Variants in SF1 observed in about 807,000 individuals in gnomAD.
SF1 encodes branch point-binding protein.
SF1 carries 7 observed loss-of-function variants against 62.5 expected under a neutral mutation model. The observed-to-expected ratio is 0.11, with a 90% confidence interval of 0.06 to 0.21. SF1 has a LOEUF of 0.21. SF1 is among the 10% of genes least tolerant of loss of function. The pLI is 1.00. For missense variants in SF1, 578 were observed against 884.0 expected, an observed-to-expected ratio of 0.65 and a Z score of 4.39; for synonymous variants, 394 against 323.6, an observed-to-expected ratio of 1.22 and a Z score of -2.33.
intron 2 of SF1, among the ~76,000 whole-genome samples, chr11:64,775,225 C>A (rs1218633514): frequency 1.3e-5 from 2 of 152,176 alleles, no homozygotes; most frequent in Non-Finnish European, 1.5e-5. Flanking sequence ...AACTACACCT[C>A]TCCTTTGATT....
At chr11:64,777,198 ACT>A (rs932570749) in intron 1 of SF1, among the ~76,000 whole-genome samples, 3 of 152,204 alleles carry the variant, frequency 2.0e-5, no homozygotes, top group African/African-American at 7.2e-5. Flanking sequence ...CCAGTTGGAC[ACT>A]GAGGGTCTGA....
Position 64,767,931 on chromosome 11 carries a change from A to C in SF1, c.1069-87T>G. On this transcript the variant is annotated intron_variant, in intron 9 of 12. Coordinates refer to ENST00000377390, the MANE Select transcript of SF1 (RefSeq NM_004630.4). ...TCGGGTTATGACACAGGACCAGAACACAAGAACAAGGTCTTCCCGAAGTGA... is the reference window on the plus strand; with the variant it reads ...TCGGGTTATGACACAGGACCAGAACCCAAGAACAAGGTCTTCCCGAAGTGA... The C allele has an allele frequency of 5.9e-6, 9 of 1,532,094 alleles. 1 individual carries two copies. The highest frequency in any genetic ancestry group is 7.9e-6 in the Non-Finnish European group (9 of 1,139,160). 94.9% of individuals were successfully genotyped at this position (1,532,094 alleles called of 1,614,324 possible).
chr11:64,765,777 A>T lies in SF1; in HGVS notation c.*41T>A. The T allele has an allele frequency of 8.0e-6, 12 of 1,497,542 alleles. No individual in the cohort carries two copies. The highest frequency in any genetic ancestry group is 1.1e-5 in the Non-Finnish European group (12 of 1,125,378). 92.8% of individuals were successfully genotyped at this position (1,497,542 alleles called of 1,614,324 possible). A position where few individuals can be genotyped will look rare whatever the true frequency, so the allele number is the denominator to read the frequency against. On this transcript the variant is annotated 3_prime_UTR_variant, in exon 13 of 13. Coordinates refer to ENST00000377390, the MANE Select transcript of SF1 (RefSeq NM_004630.4). ...GGTTCGGCGTGTTTAAACGAGACCA[A>T]TTCTCTCTATATATAATATATATTT... is the stretch of plus-strand genomic sequence containing the variant.
At position 64,769,949 on chromosome 11, in the gene SF1, C is replaced by A; in HGVS notation, c.479+15G>T. 4 of 1,587,144 alleles carry A rather than the reference C, an allele frequency of 2.5e-6. No homozygotes were observed. Among genetic ancestry groups the A allele is most frequent in the Non-Finnish European group, 3.5e-6 (4 of 1,155,696 alleles). Reference sequence around the variant, plus strand: ...CTAAAGGAATTCTATATCCTATAGACCAGCAGTTACTCACCTGGGCCCGAT... The same window carrying A: ...CTAAAGGAATTCTATATCCTATAGAACAGCAGTTACTCACCTGGGCCCGAT... On this transcript the variant is annotated intron_variant, in intron 5 of 12. Transcript: ENST00000377390.
intron 12 of SF1, 36 bp downstream of exon 12, chr11:64,766,864 C>CCA: frequency 3.6e-6 from 2 of 559,190 alleles, no homozygotes; most frequent in Non-Finnish European, 5.9e-6. Context: ...CACCCCCATC[C>CCA]CACCCACCCC....
chr11:64,766,875 C>G (rs372572987), intron 12 of SF1, 25 bp downstream of exon 12: 1 of 1,377,300 alleles, frequency 7.3e-7, no homozygotes. Context: ...CACCCACCCC[C>G]ACAAGCCCAA....
intron 12 of SF1, chr11:64,766,621 C>CA (rs1427037579): frequency 1.2e-5 from 5 of 427,840 alleles, no homozygotes; most frequent in Non-Finnish European, 2.1e-5. Context: ...GCCGCTCACT[C>CA]AGCCTGCGAG....
rs1592474881 is a variant in SF1 at position 64,769,474 on chromosome 11, G to A, written c.615C>T (p.Ala205=). The stretch of plus-strand genomic sequence containing the variant: ...TCTCCATTGTATTGGCAGTAACCAG[G>A]GCATGAAGTGGCTCATCTTCTCCTG... The part of the protein sequence containing the change: ...MLPGEDEPLH[A]LVTANTMENV... Residue 205 remains alanine (A), a synonymous_variant, in exon 6 of 13, where the codon GCC becomes GCT. Coordinates refer to ENST00000377390, the MANE Select transcript of SF1 (RefSeq NM_004630.4). 6.2e-7 allele frequency: 1 copy of A among 1,614,128 alleles called. No homozygotes were observed. Among genetic ancestry groups the A allele is most frequent in the African/African-American group, 1.3e-5 (1 of 75,010 alleles).
rs763007547 is a variant in SF1, at chr11:64,766,952, G to A, written c.1530C>T (p.Pro510=). The stretch of plus-strand genomic sequence containing the variant: ...AAGCCATACTGCTGCTGGGCGGAGG[G>A]GGTGGCGGAGGCTGCTGCTGCTGTT... The part of the protein sequence containing the change: ...WQQQQQQPPP[P]PPPSSSMASS... Residue 510 remains proline (P), a synonymous_variant, in exon 12 of 13, where the codon CCC becomes CCT. Coordinates refer to ENST00000377390, the MANE Select transcript of SF1 (RefSeq NM_004630.4). 2.0e-6 allele frequency: 3 copies of A among 1,500,780 alleles called. No homozygotes were observed. The highest frequency in any genetic ancestry group is 2.3e-5 in the Admixed American group (1 of 43,512). 93.0% of individuals were successfully genotyped at this position (1,500,780 alleles called of 1,614,324 possible). A position where few individuals can be genotyped will look rare whatever the true frequency, so the allele number is the denominator to read the frequency against.
chr11:64,777,870 C>A lies in SF1; in HGVS notation c.31+492G>T, dbSNP rs947565463. On this transcript the variant is annotated intron_variant, in intron 1 of 12. Transcript: ENST00000377390. ...CCCAGGGGCGCCTCCGCCCGGGCCT[C>A]CCCGTGCGCGCACGCGCGCCCCTGC... 15 of 937,172 alleles carry A rather than the reference C, an allele frequency of 1.6e-5. No individual in the cohort carries two copies. In the Admixed American group the frequency reaches 9.5e-4, roughly 60 times the overall value. 58.1% of individuals were successfully genotyped at this position (937,172 alleles called of 1,614,324 possible). A position where few individuals can be genotyped will look rare whatever the true frequency, so the allele number is the denominator to read the frequency against.
At position 64,774,108 on chromosome 11, in the gene SF1, T is replaced by TAG. The variant is rs553855562; in HGVS notation, c.161-605_161-604dup. ...TCTTTCTGTACAACCAGACCTGTAC[T>TAG]AGTAAGGGTCTCCCAATACCTGCAG... On this transcript the variant is annotated intron_variant, in intron 2 of 12. Coordinates refer to ENST00000377390, the MANE Select transcript of SF1 (RefSeq NM_004630.4). Among the ~76,000 whole-genome samples the TAG allele has an allele frequency of 1.7e-3, 259 of 152,382 alleles. 3 individuals are homozygous for TAG. Among genetic ancestry groups the TAG allele is most frequent in the South Asian group, 8.7e-3 (42 of 4,830 alleles).
intron 2 of SF1, 128 bp downstream of exon 2, chr11:64,776,370 C>T (rs374271909): frequency 5.2e-5 from 53 of 1,025,720 alleles, no homozygotes; most frequent in Non-Finnish European, 7.5e-5. Context: ...ACAGATGATA[C>T]CAAAGTCGTG....
Position 64,768,178 on chromosome 11 carries a change from G to C in SF1, c.996C>G (p.Thr332=). 6.2e-7 allele frequency: 1 copy of C among 1,614,040 alleles called. No individual in the cohort carries two copies. The highest frequency in any genetic ancestry group is 2.2e-5 in the East Asian group (1 of 44,876). The change falls in exon 9 of 13, where the codon ACC becomes ACG. Residue 332 remains threonine, a synonymous_variant. Coordinates refer to ENST00000377390, the MANE Select transcript of SF1 (RefSeq NM_004630.4). ...CCAGGGGTGTGGTGGCAGGCCCAGA[G>C]GTGGAGCCCACAGATGCTGGGACAG... The part of the protein sequence containing the change: ...EAPVPASVGS[T]SGPATTPLAS...
At chr11:64,777,985 ACCT>A (rs947595031) in intron 1 of SF1, 13 of 994,194 alleles carry the variant, frequency 1.3e-5, no homozygotes, top group African/African-American at 1.8e-5. Context: ...GGCCCGACTC[ACCT>A]CCTCCGCCGC....
intron 3 of SF1, 87 bp from the exon 4 acceptor site, chr11:64,770,495 G>A: frequency 6.9e-7 from 1 of 1,439,372 alleles, no homozygotes; most frequent in African/African-American, 1.4e-5. Context: ...CAGCCCCTCT[G>A]CCTCTCAGAC....
intron 2 of SF1, among the ~76,000 whole-genome samples, chr11:64,775,620 G>A (rs759170903): frequency 6.6e-6 from 1 of 152,200 alleles, no homozygotes; most frequent in African/African-American, 2.4e-5. Flanking sequence ...CGTAGGTTTA[G>A]GAGGTCTTTG....
chr11:64,777,780 G>GGCC, intron 1 of SF1: 8 of 445,270 alleles, frequency 1.8e-5, no homozygotes, highest in African/African-American at 2.6e-5. Flanking sequence ...AGCGCCTCCC[G>GGCC]CCCGCCCAGC....
intron 12 of SF1, 26 bp downstream of exon 12, chr11:64,766,874 C>A: frequency 7.3e-7 from 1 of 1,368,470 alleles, no homozygotes; most frequent in Middle Eastern, 2.7e-4. Context: ...CCACCCACCC[C>A]CACAAGCCCA....
intron 3 of SF1, chr11:64,772,490 GTGA>G (rs1354677651): frequency 1.0e-6 from 1 of 984,936 alleles, no homozygotes; most frequent in Non-Finnish European, 1.2e-6. Context: ...AGATGCATGA[GTGA>G]GTGACTTCTA....
Sources: allele counts gnomAD v4.1 joint callset (sites outside exome capture counted in the v4.1 genomes callset), GRCh38; gene constraint gnomAD v4.1.1; transcripts MANE v1.5; gene names NCBI Gene and HGNC (gene_info 2026-07-23, HGNC 2026-07-21).